PARD3B: variants seen among roughly 807,000 people sequenced by gnomAD.
PARD3B encodes the protein partitioning defective 3 homolog B.
PARD3B carries 103 observed loss-of-function variants against 130.2 expected under a neutral mutation model. That is an observed-to-expected ratio of 0.79 (90% CI 0.67 to 0.93). The LOEUF is 0.93. PARD3B is among the 40% of genes least tolerant of loss of function. The pLI, the probability that PARD3B is intolerant of heterozygous loss-of-function variation, is 0.00. For synonymous variants in PARD3B, 583 were observed against 553.2 expected (o/e 1.05, Z -0.76); for missense variants, 1,609 against 1,499.2 (o/e 1.07, Z -1.21).
chr2:204,758,252 A>G (rs1250414418), intron 2 of PARD3B, among the ~76,000 whole-genome samples: 2 of 152,154 alleles, frequency 1.3e-5, no homozygotes, highest in Non-Finnish European at 2.9e-5. Flanking sequence ...GTGCTTGCTT[A>G]AGGTCACTTG....
At chr2:205,224,903 C>T (rs1436029294) in intron 15 of PARD3B, among the ~76,000 whole-genome samples, 1 of 151,944 alleles carries the variant, frequency 6.6e-6, no homozygotes, top group Non-Finnish European at 1.5e-5. Context: ...TTTCTTTTAT[C>T]TTCCATAACC....
intron 19 of PARD3B, among the ~76,000 whole-genome samples, chr2:205,439,121 A>C (rs546694818): frequency 6.6e-6 from 1 of 152,184 alleles, no homozygotes; most frequent in Non-Finnish European, 1.5e-5. Flanking sequence ...TTGCAAAATA[A>C]AACTAGCTTC....
chr2:204,672,062 C>T (rs1220502001), intron 1 of PARD3B, among the ~76,000 whole-genome samples: 1 of 152,150 alleles, frequency 6.6e-6, no homozygotes, highest in Non-Finnish European at 1.5e-5. Context: ...GGGCTTCCCT[C>T]CCACTGTATT....
chr2:204,984,607 T>C (rs1277147653), intron 3 of PARD3B, among the ~76,000 whole-genome samples: 6 of 152,194 alleles, frequency 3.9e-5, no homozygotes, highest in African/African-American at 1.4e-4. Flanking sequence ...TCAGTTATTC[T>C]GGGAGATGTT....
chr2:205,125,631 G>C lies in PARD3B; in HGVS notation c.1328G>C (p.Gly443Ala). ...ILEVNGRDVT[G>A]RTQEELVAML... is the part of the protein sequence containing the mutation. ...TAGGTAAATGGGAGAGATGTCACCG[G>C]ACGAACCCAGGAAGAGCTTGTGGCC... Residue 443 changes from glycine (G) to alanine (A), a missense_variant, in exon 10 of 23, where the codon GGA becomes GCA. Physicochemically the swap from Gly to Ala is moderately conservative, Grantham distance 60 (BLOSUM62 0). Transcript: ENST00000406610. This position sits in a 1 kb window ranked among gnomAD's most constrained non-coding sequence, Gnocchi z 4.0. The C allele has an allele frequency of 6.2e-7, 1 of 1,614,036 alleles. No individual in the cohort carries two copies. Among genetic ancestry groups the C allele is most frequent in the Non-Finnish European group, 8.5e-7 (1 of 1,179,998 alleles).
chr2:204,905,719 G>T (rs2047019587), intron 2 of PARD3B, among the ~76,000 whole-genome samples: 1 of 152,162 alleles, frequency 6.6e-6, no homozygotes, highest in African/African-American at 2.4e-5. Context: ...GTGAACAGAG[G>T]AAGAGTGGGG....
chr2:205,045,590 G>A (rs184704617), intron 3 of PARD3B, among the ~76,000 whole-genome samples: 13 of 151,996 alleles, frequency 8.6e-5, no homozygotes, highest in Non-Finnish European at 1.5e-4. Context: ...ATATTTTAGT[G>A]TGTTATTATT....
At position 205,047,580 on chromosome 2, in the gene PARD3B, G is replaced by C. The variant is rs1385611611; in HGVS notation, c.395-1G>C. The C allele has an allele frequency of 6.5e-7, 1 of 1,546,902 alleles. No homozygotes were observed. Among genetic ancestry groups the C allele is most frequent in the Non-Finnish European group, 8.7e-7 (1 of 1,144,440 alleles). On this transcript the variant is annotated splice_acceptor_variant, in intron 3 of 22. Transcript: ENST00000406610. LOFTEE classifies it high-confidence loss of function. Reference sequence around the variant, plus strand: ...CTCTCACCTCTCACTTTGTCTTCCAGGCACTCCACTGCTGGTGAGGAGAAG... The same window carrying C: ...CTCTCACCTCTCACTTTGTCTTCCACGCACTCCACTGCTGGTGAGGAGAAG...
chr2:205,141,178 G>A (rs1465110825), intron 10 of PARD3B, among the ~76,000 whole-genome samples: 10 of 152,172 alleles, frequency 6.6e-5, no homozygotes, highest in Admixed American at 5.9e-4. Context: ...TACCTAATGT[G>A]CAACGGTTTT....
chr2:205,011,934 G>C lies in PARD3B; in HGVS notation c.395-35647G>C, dbSNP rs1695745427. The stretch of plus-strand genomic sequence containing the variant: ...GGAGAGAAGAGAATGGGCAGTCTCT[G>C]GAGCACAGACTGAGGAATGGAAATG... On this transcript the variant is annotated intron_variant, in intron 3 of 22. Transcript: ENST00000406610. The surrounding 1 kb of genome is among the most constrained non-coding windows in gnomAD (Gnocchi z 4.1). Among the ~76,000 whole-genome samples the C allele has an allele frequency of 6.6e-6, 1 of 152,126 alleles. No individual in the cohort carries two copies. The highest frequency in any genetic ancestry group is 1.5e-5 in the Non-Finnish European group (1 of 68,028).
Position 205,615,540 on chromosome 2 carries a change from G to A in PARD3B, c.3345G>A (p.Gly1115=). 1 of 1,614,070 alleles carries A rather than the reference G, an allele frequency of 6.2e-7. No individual in the cohort carries two copies. The highest frequency in any genetic ancestry group is 1.1e-5 in the South Asian group (1 of 91,070). Residue 1115 remains glycine, a synonymous_variant, in exon 23 of 23, where the codon GGG becomes GGA. Transcript: ENST00000406610. ...AAAGGGAGCTTCCCTATTATCCAGG[G>A]GCTCATCCTATGCACCCTCCCAAAG... ...YKERELPYYP[G]AHPMHPPKGS... is the part of the protein sequence containing the mutation.
chr2:205,461,798 C>T lies in PARD3B; in HGVS notation c.3044+21126C>T, dbSNP rs139201626. On this transcript the variant is annotated intron_variant, in intron 20 of 22. Transcript: ENST00000406610. The surrounding 1 kb of genome is among the most constrained non-coding windows in gnomAD (Gnocchi z 4.3). ...TTCTAACAAGCTGCCGAATGATACT[C>T]ATGCTGCTGGCCTGGGTTCTGTCGG... Among the ~76,000 whole-genome samples, 73 of 152,248 alleles carry T rather than the reference C, an allele frequency of 4.8e-4. No individual in the cohort carries two copies. In the Middle Eastern group the frequency reaches 0.01, roughly 21 times the overall value.
chr2:204,910,016 T>G lies in PARD3B; in HGVS notation c.223-55136T>G, dbSNP rs556133421. On this transcript the variant is annotated intron_variant, in intron 2 of 22. Transcript: ENST00000406610. ...GACAGGATTGTGTGTATAAGCTGTT[T>G]AGATGATTAGATGATGAGTAAAGAA... Among the ~76,000 whole-genome samples, 18 of 152,230 alleles carry G rather than the reference T, an allele frequency of 1.2e-4. No individual in the cohort carries two copies. In the East Asian group the frequency reaches 3.1e-3, roughly 26 times the overall value.
chr2:205,428,169 C>T (rs1380820966), intron 19 of PARD3B, among the ~76,000 whole-genome samples: 1 of 151,904 alleles, frequency 6.6e-6, no homozygotes, highest in Non-Finnish European at 1.5e-5. Flanking sequence ...GATCGCTTGA[C>T]CTCGGGAGTT....
intron 2 of PARD3B, among the ~76,000 whole-genome samples, chr2:204,914,115 A>G (rs1471173718): frequency 6.6e-6 from 1 of 152,170 alleles, no homozygotes; most frequent in African/African-American, 2.4e-5. Context: ...AGCCTTGGGA[A>G]GTTCACACCA....
intron 21 of PARD3B, among the ~76,000 whole-genome samples, chr2:205,508,809 G>A (rs894216664): frequency 9.9e-5 from 15 of 152,160 alleles, no homozygotes; most frequent in Non-Finnish European, 1.6e-4. Context: ...TATACATTGC[G>A]TGGGTTTTAG....
intron 3 of PARD3B, among the ~76,000 whole-genome samples, chr2:204,965,626 G>GA (rs1370925493): frequency 2.6e-5 from 4 of 151,904 alleles, no homozygotes; most frequent in Non-Finnish European, 5.9e-5. Flanking sequence ...AAAAATTCCT[G>GA]AAAAAAACTC....
chr2:205,430,956 C>T (rs2047312092), intron 19 of PARD3B, among the ~76,000 whole-genome samples: 1 of 152,100 alleles, frequency 6.6e-6, no homozygotes, highest in Admixed American at 6.5e-5. Context: ...GAAATAATGG[C>T]ATAATAAAAC....
At chr2:205,286,723 A>G (rs755965042) in intron 16 of PARD3B, among the ~76,000 whole-genome samples, 3 of 152,198 alleles carry the variant, frequency 2.0e-5, no homozygotes, top group Admixed American at 1.3e-4. Context: ...TTGAGTAGTC[A>G]TGAGAATACC....
Sources: gnomAD v4.1 joint callset for allele counts (sites outside exome capture counted in the v4.1 genomes callset) on GRCh38, gnomAD v4.1.1 for gene constraint, Gnocchi (gnomAD v3.1) non-coding constraint, MANE v1.5 for transcripts, NCBI Gene and HGNC (gene_info 2026-07-23, HGNC 2026-07-21) for gene names.